Variants in CPPED1 observed in about 807,000 individuals in gnomAD.
CPPED1 encodes the protein calcineurin like phosphoesterase domain containing 1, also known as serine/threonine-protein phosphatase CPPED1.
In CPPED1, 28 loss-of-function variants were observed where a neutral mutation model predicts 28.0. The observed-to-expected ratio is 1.00, with a 90% CI of 0.74 to 1.37. The LOEUF (loss-of-function observed/expected upper bound fraction) is 1.37. Among genes scored for constraint, CPPED1 ranks in the 40% most tolerant of loss-of-function variants. CPPED1 has a pLI of 0.00. For missense variants in CPPED1, 504 were observed against 416.5 expected (o/e 1.21, Z -1.83); for synonymous variants, 198 against 180.2 (o/e 1.10, Z -0.79).
At chr16:12,757,068 G>A (rs776062398) in intron 2 of CPPED1, among the ~76,000 whole-genome samples, 3 of 152,116 alleles carry the variant, frequency 2.0e-5, no homozygotes, top group Non-Finnish European at 4.4e-5. Context: ...ATAGCACCTC[G>A]AGGATGACCA....
chr16:12,667,983 C>A lies in CPPED1; in HGVS notation c.716-2868G>T, dbSNP rs77432870. 6.5e-3 allele frequency among the ~76,000 whole-genome samples: 991 copies of A among 152,108 alleles called. 8 individuals carry two copies. Among genetic ancestry groups the A allele is most frequent in the South Asian group, 0.012 (59 of 4,824 alleles). On this transcript the variant is annotated intron_variant, in intron 3 of 3. Coordinates refer to ENST00000381774, the MANE Select transcript of CPPED1 (RefSeq NM_018340.3). ...CAAAGAGAAAAACCATAGAAAGAAC[C>A]GCAGTAAAAACATTATAAAGAAATG...
At chr16:12,705,657 G>T (rs887479097) in intron 2 of CPPED1, among the ~76,000 whole-genome samples, 2 of 152,164 alleles carry the variant, frequency 1.3e-5, no homozygotes, top group Non-Finnish European at 2.9e-5. Flanking sequence ...ACTCGGCAGG[G>T]TGAGGCAGGA....
intron 3 of CPPED1, among the ~76,000 whole-genome samples, chr16:12,687,177 G>A (rs1042121733): frequency 4.0e-5 from 6 of 151,794 alleles, no homozygotes; most frequent in African/African-American, 1.5e-4. Context: ...TCCACTACAG[G>A]CATCCTTCTT....
intron 3 of CPPED1, among the ~76,000 whole-genome samples, chr16:12,690,235 A>G (rs1180848782): frequency 6.6e-6 from 1 of 152,068 alleles, no homozygotes; most frequent in African/African-American, 2.4e-5. Flanking sequence ...AAGAAGGCCA[A>G]GTGTGGTGGC....
At chr16:12,735,394 T>C (rs1029884670) in intron 2 of CPPED1, among the ~76,000 whole-genome samples, 4 of 152,244 alleles carry the variant, frequency 2.6e-5, no homozygotes, top group Non-Finnish European at 5.9e-5. Flanking sequence ...TGGGTTCAAC[T>C]GATTCTCCCG....
At chr16:12,723,436 G>A (rs1278983612) in intron 2 of CPPED1, among the ~76,000 whole-genome samples, 1 of 152,214 alleles carries the variant, frequency 6.6e-6, no homozygotes, top group Non-Finnish European at 1.5e-5. Flanking sequence ...TCGTTAGGGT[G>A]AGCCTTAGTT....
intron 2 of CPPED1, among the ~76,000 whole-genome samples, chr16:12,741,860 T>C (rs991856973): frequency 6.6e-6 from 1 of 151,304 alleles, no homozygotes; most frequent in African/African-American, 2.4e-5. Flanking sequence ...AAACCAGGAG[T>C]TCGAAACCAG....
intron 1 of CPPED1, among the ~76,000 whole-genome samples, chr16:12,795,651 T>C (rs1014197669): frequency 6.6e-6 from 1 of 152,168 alleles, no homozygotes; most frequent in African/African-American, 2.4e-5. Context: ...ACAACTTCTA[T>C]TGGTTTGATC....
chr16:12,758,384 A>G (rs1285001905), intron 2 of CPPED1, among the ~76,000 whole-genome samples: 1 of 152,198 alleles, frequency 6.6e-6, no homozygotes, highest in African/African-American at 2.4e-5. Context: ...GTATGTTTTG[A>G]GCGCCTATGA....
At chr16:12,710,962 G>C (rs923839067) in intron 2 of CPPED1, among the ~76,000 whole-genome samples, 3 of 152,162 alleles carry the variant, frequency 2.0e-5, no homozygotes, top group Non-Finnish European at 4.4e-5. Context: ...AGGATTACCA[G>C]ATAATCCAAC....
chr16:12,726,318 G>A (rs932461212), intron 2 of CPPED1, among the ~76,000 whole-genome samples: 4 of 148,402 alleles, frequency 2.7e-5, no homozygotes, highest in African/African-American at 5.0e-5. Context: ...GGGATAACAG[G>A]TGTGAGCCAC....
chr16:12,766,256 T>TATATATATATAG, intron 2 of CPPED1, among the ~76,000 whole-genome samples: 4 of 134,292 alleles, frequency 3.0e-5, no homozygotes, highest in African/African-American at 1.4e-4. Flanking sequence ...TATATATATA[T>TATATATATATAG]AGAGAGAGAG....
intron 1 of CPPED1, among the ~76,000 whole-genome samples, chr16:12,784,927 T>C (rs1265895438): frequency 6.6e-6 from 1 of 152,254 alleles, no homozygotes; most frequent in East Asian, 1.9e-4. Context: ...AGAATCTCAA[T>C]TTTATGTGAC....
intron 2 of CPPED1, chr16:12,745,952 G>GA (rs1347044699): frequency 6.6e-6 from 1 of 151,648 alleles, no homozygotes; most frequent in Non-Finnish European, 1.5e-5. Flanking sequence ...CAGCCAGACA[G>GA]AAAAAACACA....
chr16:12,795,650 A>G (rs531622690), intron 1 of CPPED1, among the ~76,000 whole-genome samples: 1 of 152,140 alleles, frequency 6.6e-6, no homozygotes, highest in Non-Finnish European at 1.5e-5. Flanking sequence ...AACAACTTCT[A>G]TTGGTTTGAT....
In CPPED1 at chr16:12,704,786, G is replaced by A; in HGVS notation, c.553C>T (p.Leu185=). Residue 185 remains leucine, a synonymous_variant, in exon 3 of 4, where the codon CTG becomes TTG. Coordinates refer to ENST00000381774, the MANE Select transcript of CPPED1 (RefSeq NM_018340.3). Reference sequence around the variant, plus strand: ...CTCGCGATGCTCAGCTGCTCGTCCAGCCACTGGTCCTGAGCCTGCTTCAGG... The same window carrying A: ...CTCGCGATGCTCAGCTGCTCGTCCAACCACTGGTCCTGAGCCTGCTTCAGG... ...PSLKQAQDQW[L]DEQLSIARQR... 6.2e-7 allele frequency: 1 copy of A among 1,614,226 alleles called. No homozygotes were observed.
intron 1 of CPPED1, among the ~76,000 whole-genome samples, chr16:12,785,349 A>T (rs2080556346): frequency 6.6e-6 from 1 of 152,082 alleles, no homozygotes; most frequent in South Asian, 2.1e-4. Context: ...TCCCATGCTC[A>T]AGCGATCCTC....
intron 2 of CPPED1, among the ~76,000 whole-genome samples, chr16:12,752,474 G>T (rs1012168019): frequency 6.6e-6 from 1 of 151,888 alleles, no homozygotes. Flanking sequence ...CCTTTAGATT[G>T]TTGGGAATAA....
intron 2 of CPPED1, among the ~76,000 whole-genome samples, chr16:12,737,849 G>C (rs1320541762): frequency 6.6e-6 from 1 of 152,136 alleles, no homozygotes; most frequent in Non-Finnish European, 1.5e-5. Context: ...CTCTCTTCTT[G>C]GTCTTCTTGG....
Sources: gnomAD v4.1 joint callset for allele counts (sites outside exome capture counted in the v4.1 genomes callset) on GRCh38, gnomAD v4.1.1 for gene constraint, MANE v1.5 for transcripts, NCBI Gene and HGNC (gene_info 2026-07-23, HGNC 2026-07-21) for gene names.